BAZ2B: variants seen among roughly 807,000 people sequenced by gnomAD.
BAZ2B encodes the protein bromodomain adjacent to zinc finger domain protein 2B.
Under a neutral mutation model 246.0 loss-of-function variants are expected in BAZ2B, and 91 were observed. The ratio of observed to expected loss-of-function variants is 0.37; its 90% confidence interval spans 0.31 to 0.44. The LOEUF is 0.44. Ranked by LOEUF, BAZ2B falls within the 20% of genes least tolerant of loss-of-function variation. BAZ2B has a pLI of 1.00. For missense variants in BAZ2B, 2,332 were observed against 2,533.7 expected (o/e 0.92, Z 1.71); for synonymous variants, 855 against 860.0 (o/e 0.99, Z 0.10).
intron 3 of BAZ2B, among the ~76,000 whole-genome samples, chr2:159,465,851 T>G (rs2076969330): frequency 6.6e-6 from 1 of 151,814 alleles, no homozygotes; most frequent in South Asian, 2.1e-4. Flanking sequence ...GAGGCAGAGG[T>G]TGCAGTGAGC....
At chr2:159,623,885 G>A in the BAZ2B span, among the ~76,000 whole-genome samples, 1 of 152,216 alleles carries the variant, frequency 6.6e-6, no homozygotes, top group Admixed American at 6.5e-5. Context: ...CCACACAGTG[G>A]AGTACTATGC....
At chr2:159,326,488 CCCAGGTGTGA>C (rs1225937142) in intron 34 of BAZ2B, among the ~76,000 whole-genome samples, 1 of 151,998 alleles carries the variant, frequency 6.6e-6, no homozygotes, top group Non-Finnish European at 1.5e-5. Context: ...ACTTGTGGTT[CCCAGGTGTGA>C]ACAAAGCAGT....
At chr2:159,422,170 A>C (rs190240785) in intron 13 of BAZ2B, among the ~76,000 whole-genome samples, 113 of 152,362 alleles carry the variant, frequency 7.4e-4, no homozygotes, top group African/African-American at 2.5e-3. Context: ...CATATTGCCC[A>C]AAGTAATTTA....
At chr2:159,355,942 T>C (rs2059065082) in intron 27 of BAZ2B, among the ~76,000 whole-genome samples, 3 of 152,198 alleles carry the variant, frequency 2.0e-5, no homozygotes, top group Admixed American at 2.0e-4. Context: ...CTGTGAAGAA[T>C]GGTGCACCCT....
intron 1 of BAZ2B, among the ~76,000 whole-genome samples, chr2:159,601,378 T>C (rs1692089982): frequency 6.6e-6 from 1 of 151,596 alleles, no homozygotes; most frequent in Admixed American, 6.6e-5. Flanking sequence ...GAGCCTAGAT[T>C]GTGCCACTGC....
At chr2:159,355,533 C>T (rs1435713961) in intron 27 of BAZ2B, among the ~76,000 whole-genome samples, 4 of 152,158 alleles carry the variant, frequency 2.6e-5, no homozygotes, top group African/African-American at 9.7e-5. Flanking sequence ...TATACTTGCA[C>T]ACTTAATGCT....
At chr2:159,578,630 C>A (rs1206424324) in intron 1 of BAZ2B, among the ~76,000 whole-genome samples, 1 of 152,176 alleles carries the variant, frequency 6.6e-6, no homozygotes, top group Non-Finnish European at 1.5e-5. Context: ...ACATTCTTCT[C>A]AGCAACACAT....
At chr2:159,550,710 G>C (rs2088059899) in intron 2 of BAZ2B, among the ~76,000 whole-genome samples, 1 of 152,046 alleles carries the variant, frequency 6.6e-6, no homozygotes, top group Admixed American at 6.6e-5. Flanking sequence ...ATTTCTGACA[G>C]TATGTACACT....
intron 1 of BAZ2B, among the ~76,000 whole-genome samples, chr2:159,598,871 TA>T (rs2151748079): frequency 1.3e-5 from 2 of 152,042 alleles, no homozygotes; most frequent in South Asian, 4.1e-4. Context: ...AATAAATAAA[TA>T]AAATATAGCT....
chr2:159,608,792 CCTA>C (rs1347844573), intron 1 of BAZ2B, among the ~76,000 whole-genome samples: 1 of 152,110 alleles, frequency 6.6e-6, no homozygotes, highest in African/African-American at 2.4e-5. Context: ...AAAAGTACAG[CCTA>C]CTATCAGCTG....
the BAZ2B span, among the ~76,000 whole-genome samples, chr2:159,652,344 A>G: frequency 2.0e-5 from 3 of 151,666 alleles, no homozygotes; most frequent in Non-Finnish European, 4.4e-5. Context: ...CATATAGCTG[A>G]GATTATAGGC....
chr2:159,449,869 T>C (rs1056630903), intron 4 of BAZ2B, among the ~76,000 whole-genome samples: 38 of 152,274 alleles, frequency 2.5e-4, no homozygotes, highest in African/African-American at 9.1e-4. Flanking sequence ...ACCTAGCTGA[T>C]AAAAAGTTAC....
upstream of BAZ2B, among the ~76,000 whole-genome samples, chr2:159,620,154 T>G (rs1573851144): frequency 6.6e-6 from 1 of 152,214 alleles, no homozygotes; most frequent in African/African-American, 2.4e-5. Context: ...TCTAACTTAC[T>G]ACTATGGGTA....
At chr2:159,509,505 TAAGA>T (rs1341181768) in intron 2 of BAZ2B, among the ~76,000 whole-genome samples, 1 of 152,180 alleles carries the variant, frequency 6.6e-6, no homozygotes, top group Non-Finnish European at 1.5e-5. Flanking sequence ...TCCTCTCTTT[TAAGA>T]AAAATACCCT....
chr2:159,462,366 C>A (rs1399372298), intron 3 of BAZ2B: 1 of 1,149,096 alleles, frequency 8.7e-7, no homozygotes, highest in African/African-American at 1.5e-5. Context: ...TGTCTTTCCA[C>A]ATACTGAAGA....
Position 159,419,622 on chromosome 2 carries a change from T to G in BAZ2B, c.2467-7077A>C, listed in dbSNP as rs1030149. On this transcript the variant is annotated intron_variant, in intron 13 of 36. Transcript: ENST00000392783. ...AAAAACAAGTGAGAAAGATGTGGTT[T>G]GATACAACTGTTTCCACAATGCTGA... Among the ~76,000 whole-genome samples the G allele has an allele frequency of 4.4e-3, 664 of 152,338 alleles. 3 individuals carry two copies. The highest frequency in any genetic ancestry group is 0.015 in the African/African-American group (633 of 41,580).
At chr2:159,529,325 G>A (rs1396839919) in intron 2 of BAZ2B, among the ~76,000 whole-genome samples, 1 of 150,618 alleles carries the variant, frequency 6.6e-6, no homozygotes, top group Admixed American at 6.6e-5. Context: ...AAAAAAAAAA[G>A]ACATATGCTT....
At chr2:159,690,149 G>A in the BAZ2B span, 1 of 475,348 alleles carries the variant, frequency 2.1e-6, no homozygotes, top group Non-Finnish European at 3.8e-6. Context: ...GCCATCAGAT[G>A]CAGTTTTGGT....
chr2:159,412,185 T>C (rs2149907015), intron 14 of BAZ2B, 150 bp downstream of exon 14: 2 of 838,734 alleles, frequency 2.4e-6, no homozygotes, highest in Non-Finnish European at 3.6e-6. Flanking sequence ...CAGTTACCAG[T>C]GGGACTCCTT....
Sources: gnomAD v4.1 joint callset for allele counts (sites outside exome capture counted in the v4.1 genomes callset) on GRCh38, gnomAD v4.1.1 for gene constraint, MANE v1.5 for transcripts, NCBI Gene and HGNC (gene_info 2026-07-23, HGNC 2026-07-21) for gene names.